Variants in PEX1 observed in about 807,000 individuals in gnomAD.
PEX1 encodes the protein peroxisomal biogenesis factor 1, also known as peroxisomal ATPase PEX1.
In PEX1, 97 loss-of-function variants were observed where a neutral mutation model predicts 152.5. The ratio of observed to expected loss-of-function variants is 0.64; its 90% confidence interval spans 0.54 to 0.75. The LOEUF is 0.75. Ranked by LOEUF, PEX1 falls within the 30% of genes least tolerant of loss-of-function variation. PEX1 has a pLI of 0.00. For missense variants in PEX1, 1,357 were observed against 1,516.3 expected (o/e 0.89, Z 1.74); for synonymous variants, 485 against 531.6 (o/e 0.91, Z 1.21).
chr7:92,520,234 A>C (rs1485025251), intron 2 of PEX1, among the ~76,000 whole-genome samples: 1 of 152,206 alleles, frequency 6.6e-6, no homozygotes, highest in African/African-American at 2.4e-5. Flanking sequence ...AGAGGGCAGA[A>C]CTGTAACCTG....
Position 92,496,753 on chromosome 7 carries a change from T to A in PEX1, c.2743A>T (p.Ile915Phe), listed in dbSNP as rs376029287. Reference sequence around the variant, plus strand: ...CGAACAGCTTGTTCACTTGCTCCAATGTATTTGCTGAGTAACTCTGGCCCC... The same window carrying A: ...CGAACAGCTTGTTCACTTGCTCCAAAGTATTTGCTGAGTAACTCTGGCCCC... ...VKGPELLSKY[I>F]GASEQAVRDI... Residue 915 changes from isoleucine (I) to phenylalanine (F), a missense_variant, in exon 17 of 24, where the codon ATT becomes TTT. Ile to Phe is a conservative substitution (Grantham distance 21). Coordinates refer to ENST00000248633, the MANE Select transcript of PEX1 (RefSeq NM_000466.3). 2.7e-5 allele frequency: 44 copies of A among 1,609,520 alleles called. No individual in the cohort carries two copies. The highest frequency in any genetic ancestry group is 3.6e-5 in the Non-Finnish European group (42 of 1,176,102).
chr7:92,496,015 C>T (rs1012563316), intron 17 of PEX1, among the ~76,000 whole-genome samples: 2 of 152,014 alleles, frequency 1.3e-5, no homozygotes, highest in African/African-American at 4.8e-5. Context: ...TCCACTATAA[C>T]TTCTCTTTAA....
intron 9 of PEX1, chr7:92,507,394 A>C (rs1265584097): frequency 2.8e-6 from 1 of 362,646 alleles, no homozygotes; most frequent in Non-Finnish European, 5.2e-6. Context: ...GTGTAACACC[A>C]CACCCAGCTG....
Position 92,489,467 on chromosome 7 carries a change from T to TA in PEX1, c.3637-45dup, listed in dbSNP as rs200312888. 1,289 of 1,538,574 alleles carry TA rather than the reference T, an allele frequency of 8.4e-4. 5 individuals carry two copies. In the African/African-American group the frequency reaches 0.011, roughly 13 times the overall value. On this transcript the variant is annotated intron_variant, in intron 22 of 23. Transcript: ENST00000248633. The stretch of plus-strand genomic sequence containing the variant: ...TTGACGAAGAGTTAAATTAAGGATG[T>TA]AAAAAAAAATGTGGTAGTCCAGTTG...
chr7:92,506,487 A>G, intron 10 of PEX1, 143 bp from the exon 11 acceptor site: 2 of 668,026 alleles, frequency 3.0e-6, no homozygotes, highest in Non-Finnish European at 5.4e-6. Context: ...AATACTTCCC[A>G]TCTCATTTTA....
Position 92,503,060 on chromosome 7 carries a change from T to C in PEX1, c.2207A>G (p.His736Arg). Reference sequence around the variant, plus strand: ...TATTACCTGATTAGGAGGCTGAATGTGTTGGACGCACTGAAATATGTGAAC... The same window carrying C: ...TATTACCTGATTAGGAGGCTGAATGCGTTGGACGCACTGAAATATGTGAAC... ...QGVHIFQCVQ[H>R]IQPPNQEQRC... is the part of the protein sequence containing the mutation. Residue 736 changes from histidine (H) to arginine (R), a missense_variant, in exon 13 of 24, where the codon CAC (histidine) becomes CGC (arginine). Transcript: ENST00000248633. The C allele has an allele frequency of 6.2e-7, 1 of 1,613,556 alleles. No homozygotes were observed. Among genetic ancestry groups the C allele is most frequent in the East Asian group, 2.2e-5 (1 of 44,824 alleles).
In PEX1 at chr7:92,501,818, T is replaced by G. The variant is rs1585231399; in HGVS notation, c.2416+72A>C. ...ACTACAATGGAATATATTTAATTCT[T>G]GTCTTACTACAATTACATTTCTCCA... On this transcript the variant is annotated intron_variant, in intron 14 of 23. Transcript: ENST00000248633. 4 of 1,439,872 alleles carry G rather than the reference T, an allele frequency of 2.8e-6. No homozygotes were observed. The East Asian group carries it at 9.1e-5, about 33-fold the overall frequency. The allele number at this position is 1,439,872 out of a possible 1,614,324, so 89.2% of individuals were successfully genotyped here. A position where few individuals can be genotyped will look rare whatever the true frequency, so the allele number is the denominator to read the frequency against.
In PEX1 at chr7:92,504,800, G is replaced by A. The variant is rs368806329; in HGVS notation, c.2003C>T (p.Ala668Val). 1 of 1,614,162 alleles carries A rather than the reference G, an allele frequency of 6.2e-7. No homozygotes were observed. Among genetic ancestry groups the A allele is most frequent in the African/African-American group, 1.3e-5 (1 of 75,050 alleles). The change falls in exon 12 of 24, where the codon GCT becomes GTT. Residue 668 changes from alanine (A) to valine (V), a missense_variant. Transcript: ENST00000248633. ...ATGTTCCGGGACAGCAGGCAGTCCA[G>A]CAATGAGGTCAAGGTCATCCAGCAG... ...VVLLDDLDLIAGLPAVPEHEH... is the reference protein window; with the variant it reads ...VVLLDDLDLIVGLPAVPEHEH...
Position 92,506,310 on chromosome 7 carries a change from C to T in PEX1, c.1838G>A (p.Cys613Tyr), listed in dbSNP as rs1318027771. 2 of 1,611,622 alleles carry T rather than the reference C, an allele frequency of 1.2e-6. No homozygotes were observed. Among genetic ancestry groups the T allele is most frequent in the Middle Eastern group, 1.7e-4 (1 of 6,054 alleles). ...ATCCAGTTTGTCAAATGCTTCTTTA[C>T]AGATTGCTTTGGCTAAAGTTGATTT... ...SGKSTLAKAI[C>Y]KEAFDKLDAH... Residue 613 changes from cysteine (C) to tyrosine (Y), a missense_variant, in exon 11 of 24, where the codon TGT (cysteine) becomes TAT (tyrosine). Coordinates refer to ENST00000248633, the MANE Select transcript of PEX1 (RefSeq NM_000466.3).
chr7:92,524,419 C>A (rs1244043067), intron 1 of PEX1, among the ~76,000 whole-genome samples: 1 of 152,070 alleles, frequency 6.6e-6, no homozygotes, highest in Admixed American at 6.6e-5. Context: ...AGGCCCCCAC[C>A]AAATGCCCGG....
chr7:92,490,073 A>C, intron 21 of PEX1, 162 bp from the exon 22 acceptor site: 1 of 670,064 alleles, frequency 1.5e-6, no homozygotes, highest in South Asian at 1.8e-5. Context: ...AAAGTTGTTC[A>C]TCTTTTATAA....
rs908000194 is a variant in PEX1 at position 92,499,605 on chromosome 7, T to G, written c.2718+99A>C. 9 of 986,342 alleles carry G rather than the reference T, an allele frequency of 9.1e-6. No homozygotes were observed. The African/African-American group carries it at 1.3e-4, about 14-fold the overall frequency. The allele number at this position is 986,342 out of a possible 1,614,324, so 61.1% of individuals were successfully genotyped here. A position where few individuals can be genotyped will look rare whatever the true frequency, so the allele number is the denominator to read the frequency against. ...GAGAGGTGGTGGTTGCATAGCATTG[T>G]GAATGCACTAAATGCCAGTGAATTT... On this transcript the variant is annotated intron_variant, in intron 16 of 23. Transcript: ENST00000248633.
At chr7:92,511,267 G>C (rs1265042787) in intron 7 of PEX1, among the ~76,000 whole-genome samples, 1 of 152,084 alleles carries the variant, frequency 6.6e-6, no homozygotes, top group African/African-American at 2.4e-5. Context: ...TGGGACTACA[G>C]GCATACACCA....
At position 92,517,416 on chromosome 7, in the gene PEX1, G is replaced by C. The variant is rs140990231; in HGVS notation, c.1099C>G (p.Gln367Glu). ...TTATGATCTGACCTAATTTTTTTTT[G>C]ATCTAGTGGCTCTGACATCTGCTTC... The part of the protein sequence containing the change: ...KEKQMSEPLD[Q>E]KKIRSDHNEE... The change falls in exon 5 of 24, where the codon CAA becomes GAA. Residue 367 changes from glutamine to glutamate, a missense_variant. Physicochemically the swap from Gln to Glu is conservative, Grantham distance 29. Coordinates refer to ENST00000248633, the MANE Select transcript of PEX1 (RefSeq NM_000466.3). 2 of 1,612,618 alleles carry C rather than the reference G, an allele frequency of 1.2e-6. No homozygotes were observed. The highest frequency in any genetic ancestry group is 4.5e-5 in the East Asian group (2 of 44,844).
At position 92,517,907 on chromosome 7, in the gene PEX1, C is replaced by T. The variant is rs755103969; in HGVS notation, c.608G>A (p.Gly203Glu). The T allele has an allele frequency of 2.0e-5, 32 of 1,570,106 alleles. No individual in the cohort carries two copies. Among genetic ancestry groups the T allele is most frequent in the Non-Finnish European group, 2.8e-5 (32 of 1,163,060 alleles). The stretch of plus-strand genomic sequence containing the variant: ...TTTCATCATTCCTTTCTGGTCTCTT[C>T]CATAACTATGAAGTTTTTTATATTC... ...DAEYKKLHSY[G>E]RDQKGMMKEL... The change falls in exon 5 of 24, where the codon GGA becomes GAA. Residue 203 changes from glycine to glutamate, a missense_variant. Gly to Glu is a moderately conservative substitution (Grantham distance 98). Coordinates refer to ENST00000248633, the MANE Select transcript of PEX1 (RefSeq NM_000466.3).
At chr7:92,491,628 CATT>C in intron 20 of PEX1, 126 bp from the exon 21 acceptor site, 1 of 658,206 alleles carries the variant, frequency 1.5e-6, no homozygotes, top group Non-Finnish European at 2.7e-6. Context: ...TCAAAGAGCT[CATT>C]AATTCTCTAA....
At chr7:92,510,016 C>A (rs182944789) in intron 8 of PEX1, among the ~76,000 whole-genome samples, 2 of 152,020 alleles carry the variant, frequency 1.3e-5, no homozygotes, top group East Asian at 3.9e-4. Flanking sequence ...TGGTGGCATG[C>A]GCCTGTAATC....
At chr7:92,506,535 GAC>G (rs1792200259) in intron 10 of PEX1, 191 bp from the exon 11 acceptor site, 2 of 588,682 alleles carry the variant, frequency 3.4e-6, no homozygotes, top group East Asian at 2.9e-5. Flanking sequence ...ACCAGACAAA[GAC>G]AACACAAAAA....
chr7:92,523,144 C>T (rs564603549), intron 1 of PEX1, among the ~76,000 whole-genome samples: 1 of 152,250 alleles, frequency 6.6e-6, no homozygotes, highest in East Asian at 1.9e-4. Context: ...AACATATAAA[C>T]TTGGAAGGAA....
Sources: allele counts gnomAD v4.1 joint callset (sites outside exome capture counted in the v4.1 genomes callset), GRCh38; gene constraint gnomAD v4.1.1; transcripts MANE v1.5; gene names NCBI Gene and HGNC (gene_info 2026-07-23, HGNC 2026-07-21).